Variants in ACCS observed in about 807,000 individuals in gnomAD.
ACCS encodes 1-aminocyclopropane-1-carboxylate synthase homolog (inactive).
A neutral mutation model predicts 59.8 loss-of-function variants in ACCS; 42 were observed. The ratio of observed to expected loss-of-function variants is 0.70; its 90% CI spans 0.55 to 0.91. The LOEUF is 0.91. Among genes scored for constraint, ACCS ranks in the 40% least tolerant of loss-of-function variants. The probability of loss-of-function intolerance (pLI) is 0.00; values close to 1 mark genes in which losing one functional copy is unlikely to be tolerated. For synonymous variants in ACCS, 230 were observed against 240.3 expected (o/e 0.96, Z 0.40); for missense variants, 602 against 630.4 (o/e 0.95, Z 0.48).
intron 2 of ACCS, 123 bp downstream of exon 2, chr11:44,068,038 C>T: frequency 1.8e-6 from 2 of 1,083,742 alleles, no homozygotes; most frequent in Non-Finnish European, 2.6e-6. Flanking sequence ...ACTCTGACCT[C>T]CAAGAGGGCT....
At chr11:44,072,721 A>T (rs1039920331) in intron 3 of ACCS, among the ~76,000 whole-genome samples, 4 of 152,166 alleles carry the variant, frequency 2.6e-5, no homozygotes, top group African/African-American at 7.2e-5. Flanking sequence ...TTCAAAATCC[A>T]GTGTGTCTTA....
At chr11:44,069,986 A>C (rs1009426881) in intron 2 of ACCS, among the ~76,000 whole-genome samples, 1 of 152,188 alleles carries the variant, frequency 6.6e-6, no homozygotes, top group Non-Finnish European at 1.5e-5. Flanking sequence ...CAGAGGAAAC[A>C]GCCAGTGCAA....
At chr11:44,069,157 T>C (rs913069314) in intron 2 of ACCS, among the ~76,000 whole-genome samples, 1 of 152,206 alleles carries the variant, frequency 6.6e-6, no homozygotes, top group Non-Finnish European at 1.5e-5. Flanking sequence ...AAAACAACAA[T>C]TCACAATTTT....
intron 10 of ACCS, 41 bp downstream of exon 10, chr11:44,079,661 A>G: frequency 6.4e-7 from 1 of 1,557,938 alleles, no homozygotes. Flanking sequence ...AGTCCCTATT[A>G]TCCCACGGAG....
At chr11:44,078,110 T>C in intron 8 of ACCS, 188 bp downstream of exon 8, 1 of 695,658 alleles carries the variant, frequency 1.4e-6, no homozygotes, top group Non-Finnish European at 2.3e-6. Flanking sequence ...GGGTCTTCCC[T>C]TTCAAAACAG....
chr11:44,083,173 G>T lies in ACCS; in HGVS notation c.1116G>T (p.Trp372Cys). 3 of 1,614,006 alleles carry T rather than the reference G, an allele frequency of 1.9e-6. No individual in the cohort carries two copies. The highest frequency in any genetic ancestry group is 2.5e-6 in the Non-Finnish European group (3 of 1,179,936). Residue 372 changes from tryptophan to cysteine, a missense_variant, in exon 13 of 15, where the codon TGG becomes TGT. Coordinates refer to ENST00000263776, the MANE Select transcript of ACCS (RefSeq NM_032592.4). ...TGGCCTCTTTCACCCAAACAGACTG[G>T]ATCAACCAGGTGTACCTGCCGGAAA... Reference protein sequence around the residue: ...QMAQLLRDRDWINQVYLPENH... With the variant: ...QMAQLLRDRDCINQVYLPENH...
In ACCS at chr11:44,084,090, CT is replaced by C. The variant is rs1208664712; in HGVS notation, c.*299del. The C allele has an allele frequency of 9.0e-6, 3 of 334,812 alleles. No homozygotes were observed. Among genetic ancestry groups the C allele is most frequent in the South Asian group, 7.1e-5 (1 of 14,080 alleles). The allele number at this position is 334,812 out of a possible 1,614,324, so 20.7% of individuals were successfully genotyped here. A position where few individuals can be genotyped will look rare whatever the true frequency, so the allele number is the denominator to read the frequency against. Reference sequence around the variant, plus strand: ...GCTTCTAACCAGAGCCTCAGCCCCCCTGAGGATGTGAAAAGAAAACAAACAA... The same window carrying C: ...GCTTCTAACCAGAGCCTCAGCCCCCCGAGGATGTGAAAAGAAAACAAACAA... On this transcript the variant is annotated 3_prime_UTR_variant, in exon 15 of 15. Coordinates refer to ENST00000263776, the MANE Select transcript of ACCS (RefSeq NM_032592.4).
At chr11:44,075,857 G>A (rs1020954334) in intron 6 of ACCS, 99 of 440,844 alleles carry the variant, frequency 2.2e-4, no homozygotes, top group African/African-American at 1.7e-3. Flanking sequence ...GCGTCCTCAC[G>A]TGACAGTGTG....
At chr11:44,075,897 G>C (rs923246213) in intron 6 of ACCS, 5 of 298,274 alleles carry the variant, frequency 1.7e-5, no homozygotes, top group African/African-American at 8.4e-5. Flanking sequence ...GGATGTGGTC[G>C]TGCCGTGCCT....
chr11:44,081,405 T>C, intron 12 of ACCS, 85 bp downstream of exon 12: 1 of 1,556,266 alleles, frequency 6.4e-7, no homozygotes, highest in Non-Finnish European at 8.7e-7. Context: ...ATACTTCTCC[T>C]ATGAGAATAA....
chr11:44,080,722 G>A, intron 10 of ACCS: 2 of 475,806 alleles, frequency 4.2e-6, no homozygotes, highest in South Asian at 4.4e-5. Context: ...CAGGGGGAGT[G>A]GTTAGGGAAA....
Position 44,077,180 on chromosome 11 carries a change from A to G in ACCS, c.557-99A>G, listed in dbSNP as rs968260143. 55 of 1,352,170 alleles carry G rather than the reference A, an allele frequency of 4.1e-5. No homozygotes were observed. The South Asian group carries it at 7.8e-4, about 19-fold the overall frequency. 83.8% of individuals were successfully genotyped at this position (1,352,170 alleles called of 1,614,324 possible). A position where few individuals can be genotyped will look rare whatever the true frequency, so the allele number is the denominator to read the frequency against. ...GCAAGTATGCCCCAAACGGTCCCCA[A>G]AGAAGTTAAAGGCTTGGAGAGGGAC... On this transcript the variant is annotated intron_variant, in intron 6 of 14. Coordinates refer to ENST00000263776, the MANE Select transcript of ACCS (RefSeq NM_032592.4).
Position 44,084,226 on chromosome 11 carries a change from A to G in ACCS, c.*434A>G, listed in dbSNP as rs779422720. The G allele has an allele frequency of 6.4e-5, 11 of 171,528 alleles. No homozygotes were observed. The highest frequency in any genetic ancestry group is 1.5e-4 in the South Asian group (1 of 6,654). The allele number at this position is 171,528 out of a possible 1,614,324, so 10.6% of individuals were successfully genotyped here. On this transcript the variant is annotated 3_prime_UTR_variant, in exon 15 of 15. Transcript: ENST00000263776. ...GTTTGTAGAAAAATAAAAAAAAGTG[A>G]TAACTTCCAAACTCCGAGGAGAATG...
At chr11:44,079,698 C>A in intron 10 of ACCS, 78 bp downstream of exon 10, 1 of 1,321,740 alleles carries the variant, frequency 7.6e-7, no homozygotes, top group Non-Finnish European at 1.1e-6. Flanking sequence ...GCTCAGCCCA[C>A]AGGGCATGGC....
chr11:44,067,471 A>T (rs113627698), intron 1 of ACCS, among the ~76,000 whole-genome samples, 157 bp from the exon 2 acceptor site: 27 of 152,358 alleles, frequency 1.8e-4, no homozygotes, highest in Admixed American at 7.8e-4. Flanking sequence ...GTCGTTGCAC[A>T]TATGGTTACA....
intron 6 of ACCS, 110 bp downstream of exon 6, chr11:44,075,702 T>C (rs878925633): frequency 1.6e-6 from 2 of 1,273,780 alleles, no homozygotes; most frequent in South Asian, 2.8e-5. Flanking sequence ...CACAATAGAA[T>C]ATACTAGACT....
In ACCS at chr11:44,084,080, C is replaced by G; in HGVS notation, c.*288C>G. On this transcript the variant is annotated 3_prime_UTR_variant, in exon 15 of 15. Transcript: ENST00000263776. ...AGTCGTGACTGCTTCTAACCAGAGC[C>G]TCAGCCCCCCTGAGGATGTGAAAAG... is the stretch of plus-strand genomic sequence containing the variant. The G allele has an allele frequency of 2.6e-6, 1 of 377,688 alleles. No homozygotes were observed. The highest frequency in any genetic ancestry group is 5.6e-5 in the South Asian group (1 of 17,872). The allele number at this position is 377,688 out of a possible 1,614,324, so 23.4% of individuals were successfully genotyped here. A position where few individuals can be genotyped will look rare whatever the true frequency, so the allele number is the denominator to read the frequency against.
intron 4 of ACCS, among the ~76,000 whole-genome samples, chr11:44,073,746 C>T (rs944894143): frequency 3.3e-5 from 5 of 152,272 alleles, no homozygotes; most frequent in Admixed American, 6.5e-5. Context: ...GGAGACCTGG[C>T]GACTATGGGG....
In ACCS at chr11:44,081,284, G is replaced by A; in HGVS notation, c.1075G>A (p.Val359Ile). ...LCRYHGLSGL[V>I]QYQMAQLLRD... Reference sequence around the variant, plus strand: ...CCGCTACCACGGCCTCAGTGGCTTGGTCCAGTACCAGATGGCACAGCTGCT... The same window carrying A: ...CCGCTACCACGGCCTCAGTGGCTTGATCCAGTACCAGATGGCACAGCTGCT... Residue 359 changes from valine to isoleucine, a missense_variant, in exon 12 of 15, where the codon GTC (valine) becomes ATC (isoleucine). Val to Ile is a conservative substitution (Grantham distance 29). Transcript: ENST00000263776. 7 of 1,614,266 alleles carry A rather than the reference G, an allele frequency of 4.3e-6. No homozygotes were observed. The highest frequency in any genetic ancestry group is 5.9e-6 in the Non-Finnish European group (7 of 1,180,054).
Sources: gnomAD v4.1 joint callset for allele counts (sites outside exome capture counted in the v4.1 genomes callset) on GRCh38, gnomAD v4.1.1 for gene constraint, MANE v1.5 for transcripts, NCBI Gene and HGNC (gene_info 2026-07-23, HGNC 2026-07-21) for gene names.